The following CSMD1 variants were observed in gnomAD, a reference collection of about 807,000 sequenced individuals.
CSMD1 encodes CUB and Sushi multiple domains 1.
Under a neutral mutation model 417.5 loss-of-function variants are expected in CSMD1, and 213 were observed. The ratio of observed to expected loss-of-function variants is 0.51; its 90% CI spans 0.46 to 0.57. CSMD1 has a LOEUF of 0.57. Among genes scored for constraint, CSMD1 ranks in the 20% least tolerant of loss-of-function variants. The probability of loss-of-function intolerance (pLI) is 0.00; values close to 1 mark genes in which losing one functional copy is unlikely to be tolerated. For synonymous variants in CSMD1, 2,862 were observed against 1,736.8 expected (o/e 1.65, Z -16.11); for missense variants, 6,923 against 4,529.7 (o/e 1.53, Z -15.17).
chr8:4,899,168 C>A (rs79162405), intron 1 of CSMD1, among the ~76,000 whole-genome samples: 1 of 152,168 alleles, frequency 6.6e-6, no homozygotes, highest in Non-Finnish European at 1.5e-5. Flanking sequence ...TTTCTCTCAA[C>A]TGCATTTATA....
chr8:3,244,583 G>C (rs1227705413), intron 26 of CSMD1, among the ~76,000 whole-genome samples: 1 of 152,168 alleles, frequency 6.6e-6, no homozygotes, highest in Non-Finnish European at 1.5e-5. Flanking sequence ...TCTTCAAAGG[G>C]GGAAATCATA....
At chr8:4,105,703 G>C (rs11987667) in intron 3 of CSMD1, among the ~76,000 whole-genome samples, 82,181 of 152,046 alleles carry the variant, frequency 0.54, 22,436 homozygotes, top group Non-Finnish European at 0.57. Context: ...CTAGGCTGGG[G>C]TACCCCATGG....
At chr8:3,313,498 GAC>G (rs1360934491) in intron 23 of CSMD1, among the ~76,000 whole-genome samples, 1 of 152,068 alleles carries the variant, frequency 6.6e-6, no homozygotes, top group Non-Finnish European at 1.5e-5. Context: ...GCAGCCAAAA[GAC>G]ACATGAAAAA....
chr8:4,124,711 G>C (rs1346762834), intron 3 of CSMD1, among the ~76,000 whole-genome samples: 1 of 152,188 alleles, frequency 6.6e-6, no homozygotes, highest in African/African-American at 2.4e-5. Flanking sequence ...CCCTAAGGGG[G>C]CTTTTCCCTA....
chr8:3,168,909 A>G (rs556638935), intron 37 of CSMD1, among the ~76,000 whole-genome samples: 1 of 147,386 alleles, frequency 6.8e-6, no homozygotes, highest in Admixed American at 6.8e-5. Context: ...CCTTTAGGGG[A>G]AGTAAAATGT....
intron 2 of CSMD1, among the ~76,000 whole-genome samples, chr8:4,536,150 G>A (rs778533945): frequency 3.2e-4 from 49 of 152,086 alleles, no homozygotes; most frequent in African/African-American, 7.7e-4. Context: ...TATATAAACC[G>A]CAACTCAGTA....
At chr8:4,966,620 G>T (rs897138981) in intron 1 of CSMD1, among the ~76,000 whole-genome samples, 2 of 152,090 alleles carry the variant, frequency 1.3e-5, no homozygotes, top group African/African-American at 4.8e-5. Flanking sequence ...TCTTAGGTAG[G>T]TTCACCCTGT....
At chr8:3,996,434 C>T (rs1815226603) in intron 5 of CSMD1, among the ~76,000 whole-genome samples, 1 of 97,006 alleles carries the variant, frequency 1.0e-5, no homozygotes, top group Non-Finnish European at 2.0e-5. Context: ...TTAATAAATT[C>T]ATTTTTAAGA....
chr8:4,542,097 G>A (rs1307120760), intron 2 of CSMD1, among the ~76,000 whole-genome samples: 1 of 152,042 alleles, frequency 6.6e-6, no homozygotes, highest in Non-Finnish European at 1.5e-5. Flanking sequence ...TGAAATATAT[G>A]CTCATTTCTG....
chr8:3,838,153 G>C (rs1802827163), intron 5 of CSMD1, among the ~76,000 whole-genome samples: 1 of 152,058 alleles, frequency 6.6e-6, no homozygotes, highest in Admixed American at 6.6e-5. Context: ...CCTATACTAA[G>C]TATTGCAGAA....
chr8:4,412,834 A>C (rs10503262), intron 3 of CSMD1, among the ~76,000 whole-genome samples: 28,279 of 152,188 alleles, frequency 0.19, 3,161 homozygotes, highest in East Asian at 0.25. Flanking sequence ...TGTGAAACCA[A>C]ATTGTAATGG....
chr8:4,939,779 T>G (rs938949659), intron 1 of CSMD1, among the ~76,000 whole-genome samples: 2 of 152,110 alleles, frequency 1.3e-5, no homozygotes, highest in African/African-American at 2.4e-5. Context: ...ACTTGAAAAC[T>G]GTTAATAGAG....
intron 3 of CSMD1, among the ~76,000 whole-genome samples, chr8:4,297,950 T>C (rs1012351443): frequency 6.6e-6 from 1 of 152,164 alleles, no homozygotes; most frequent in African/African-American, 2.4e-5. Flanking sequence ...AAAGGCTAGG[T>C]GACGGATTAC....
chr8:4,337,396 A>G (rs1033786711), intron 3 of CSMD1, among the ~76,000 whole-genome samples: 4 of 152,094 alleles, frequency 2.6e-5, no homozygotes, highest in Non-Finnish European at 5.9e-5. Context: ...GTAAACAGGT[A>G]TTTTGTTTCA....
At chr8:3,781,312 G>C (rs1206604172) in intron 5 of CSMD1, among the ~76,000 whole-genome samples, 3 of 152,058 alleles carry the variant, frequency 2.0e-5, no homozygotes, top group African/African-American at 7.3e-5. Flanking sequence ...ATTCATACAT[G>C]TCTTTGTTCT....
intron 3 of CSMD1, among the ~76,000 whole-genome samples, chr8:4,288,325 T>TCCCTTCA (rs775995149): frequency 2.7e-4 from 41 of 152,228 alleles, no homozygotes; most frequent in Non-Finnish European, 4.0e-4. Context: ...CCTGAAGGGC[T>TCCCTTCA]CCCTTCACCC....
At chr8:3,411,999 TACACGTATATATATACATATAC>T (rs1812804597) in intron 12 of CSMD1, among the ~76,000 whole-genome samples, 2 of 34,296 alleles carry the variant, frequency 5.8e-5, no homozygotes, top group African/African-American at 2.0e-4. Context: ...TACGTGTATA[TACACGTATATATATACATATAC>T]ACACGTATAT....
chr8:3,427,315 C>G (rs976678960), intron 12 of CSMD1, among the ~76,000 whole-genome samples: 1 of 152,158 alleles, frequency 6.6e-6, no homozygotes, highest in African/African-American at 2.4e-5. Flanking sequence ...GAAGTGCAAA[C>G]TGAAGTCCTG....
At chr8:4,870,102 CTCT>C (rs1802647917) in intron 1 of CSMD1, among the ~76,000 whole-genome samples, 1 of 152,082 alleles carries the variant, frequency 6.6e-6, no homozygotes, top group Non-Finnish European at 1.5e-5. Flanking sequence ...ATATTGCACA[CTCT>C]TGATTTATTT....
Sources: allele counts gnomAD v4.1 joint callset (sites outside exome capture counted in the v4.1 genomes callset), GRCh38; gene constraint gnomAD v4.1.1; transcripts MANE v1.5; gene names NCBI Gene and HGNC (gene_info 2026-07-23, HGNC 2026-07-21).